SCAP: variants seen among roughly 807,000 people sequenced by gnomAD.
SCAP encodes sterol regulatory element-binding protein cleavage-activating protein.
SCAP carries 65 observed loss-of-function variants against 123.6 expected under a neutral mutation model. The ratio of observed to expected loss-of-function variants is 0.53; its 90% CI spans 0.43 to 0.65. The LOEUF (loss-of-function observed/expected upper bound fraction) is 0.65. SCAP is among the 30% of genes least tolerant of loss of function. The pLI is 0.00. For synonymous variants in SCAP, 740 were observed against 726.3 expected, an observed-to-expected ratio of 1.02 and a Z score of -0.30; for missense variants, 1,398 against 1,712.5, an observed-to-expected ratio of 0.82 and a Z score of 3.24.
At chr3:47,454,320 A>G (rs1707333115) in intron 1 of SCAP, among the ~76,000 whole-genome samples, 1 of 151,840 alleles carries the variant, frequency 6.6e-6, no homozygotes, top group African/African-American at 2.4e-5. Flanking sequence ...GTGAGCAGAG[A>G]TCACGCCACT....
chr3:47,465,373 G>A (rs1707785035), intron 1 of SCAP, among the ~76,000 whole-genome samples: 1 of 152,132 alleles, frequency 6.6e-6, no homozygotes. Flanking sequence ...GTTTCACCAT[G>A]TTGGCCAGGC....
At chr3:47,467,213 T>A (rs1707858942) in intron 1 of SCAP, among the ~76,000 whole-genome samples, 1 of 151,944 alleles carries the variant, frequency 6.6e-6, no homozygotes, top group Non-Finnish European at 1.5e-5. Context: ...GGGTTTAATA[T>A]CCAGAATTTG....
At chr3:47,438,746 G>A (rs1394200895) in intron 2 of SCAP, among the ~76,000 whole-genome samples, 2 of 151,714 alleles carry the variant, frequency 1.3e-5, no homozygotes, top group African/African-American at 4.8e-5. Context: ...CCCGGGAGGT[G>A]GAGGTTGCAG....
intron 2 of SCAP, among the ~76,000 whole-genome samples, chr3:47,440,395 A>C (rs1706746850): frequency 6.6e-6 from 1 of 152,142 alleles, no homozygotes; most frequent in South Asian, 2.1e-4. Flanking sequence ...CAAGTCCCAG[A>C]ATCTATGGAT....
rs929166342 is a variant in SCAP at position 47,465,447 on chromosome 3, C to G, written c.-99+10352G>C. 3.3e-5 allele frequency among the ~76,000 whole-genome samples: 5 copies of G among 152,254 alleles called. No homozygotes were observed. In the East Asian group the frequency reaches 9.6e-4, roughly 29 times the overall value. ...AGCTATCTACAAACGCAATCCATAT[C>G]AAAATGCAATGCAATCCCTATCAAA... is the stretch of plus-strand genomic sequence containing the variant. On this transcript the variant is annotated intron_variant, in intron 1 of 22. Transcript: ENST00000265565.
rs1288392558 is a variant in SCAP, at chr3:47,426,023, A to G, written c.884T>C (p.Leu295Ser). The G allele has an allele frequency of 6.2e-7, 1 of 1,614,156 alleles. No individual in the cohort carries two copies. The highest frequency in any genetic ancestry group is 8.5e-7 in the Non-Finnish European group (1 of 1,180,014). Reference protein sequence around the residue: ...LIPLVTTYIILFAYIYFSTRK... With the variant: ...LIPLVTTYIISFAYIYFSTRK... Reference sequence around the variant, plus strand: ...CGTGGAGAAGTAGATGTAGGCAAACAAGATGATGTAGGTGGTCACAAGGGG... The same window carrying G: ...CGTGGAGAAGTAGATGTAGGCAAACGAGATGATGTAGGTGGTCACAAGGGG... Residue 295 changes from leucine (L) to serine (S), a missense_variant, in exon 7 of 23, where the codon TTG (leucine) becomes TCG (serine). Around this residue, in one of 7 missense-constraint regions of SCAP, gnomAD observed 319 missense variants for 432.4 expected, o/e 0.74. Transcript: ENST00000265565.
Position 47,435,014 on chromosome 3 carries a change from A to T in SCAP, c.246T>A (p.Pro82=). The T allele has an allele frequency of 6.2e-7, 1 of 1,614,120 alleles. No homozygotes were observed. Residue 82 remains proline (P), a synonymous_variant, in exon 3 of 23, where the codon CCT becomes CCA. Transcript: ENST00000265565. ...DRKQGEPTEQ[P]EWYVGAPVAY... ...GAACATGACGAGTACCCACCCACTC[A>T]GGCTGCTCAGTAGGCTCTCCTTGTT...
intron 10 of SCAP, among the ~76,000 whole-genome samples, chr3:47,422,227 C>A (rs781014598): frequency 3.9e-5 from 6 of 152,274 alleles, no homozygotes; most frequent in Non-Finnish European, 8.8e-5. Flanking sequence ...GGTGCTCAAT[C>A]TGGGAACCCA....
intron 1 of SCAP, among the ~76,000 whole-genome samples, chr3:47,472,128 A>G (rs927066185): frequency 1.3e-4 from 19 of 151,428 alleles, no homozygotes; most frequent in Admixed American, 9.3e-4. Context: ...CCATCTCAAA[A>G]AAATAATAAT....
At chr3:47,449,136 C>T (rs774122815) in intron 1 of SCAP, among the ~76,000 whole-genome samples, 1 of 152,164 alleles carries the variant, frequency 6.6e-6, no homozygotes, top group Non-Finnish European at 1.5e-5. Flanking sequence ...ACTACTTGAG[C>T]AGTAATGTAC....
rs1708206702 is a variant in SCAP, at chr3:47,474,856, C to A, written c.-99+943G>T. ...CACTGAGGAACACCTAAAATGGATA[C>A]AGCACTAACTAGACACCCTCGACCC... is the stretch of plus-strand genomic sequence containing the variant. On this transcript the variant is annotated intron_variant, in intron 1 of 22. Coordinates refer to ENST00000265565, the MANE Select transcript of SCAP (RefSeq NM_012235.4). Among the ~76,000 whole-genome samples the A allele has an allele frequency of 1.3e-5, 2 of 152,110 alleles. 1 individual carries two copies. Among genetic ancestry groups the A allele is most frequent in the South Asian group, 4.1e-4 (2 of 4,830 alleles).
intron 1 of SCAP, among the ~76,000 whole-genome samples, chr3:47,447,387 C>T (rs564415888): frequency 9.2e-5 from 14 of 151,358 alleles, no homozygotes; most frequent in African/African-American, 3.4e-4. Flanking sequence ...ACTGTGACTC[C>T]GTCTCAAAAA....
chr3:47,427,394 CG>C (rs1358235046), intron 5 of SCAP, 52 bp downstream of exon 5: 1 of 1,578,392 alleles, frequency 6.3e-7, no homozygotes, highest in Admixed American at 1.7e-5. Context: ...ATCAAAAAGA[CG>C]GTGACCAATG....
chr3:47,413,804 G>GGCCCC lies in SCAP; in HGVS notation c.*45_*49dup, dbSNP rs150166851. Reference sequence around the variant, plus strand: ...CCCCCAAGTCCAGGTTCAGTGCATTGGCCCCCACACAGCACCCCAGCCTCC... The same window carrying GGCCCC: ...CCCCCAAGTCCAGGTTCAGTGCATTGGCCCCGCCCCCACACAGCACCCCAGCCTCC... On this transcript the variant is annotated 3_prime_UTR_variant, in exon 23 of 23. Transcript: ENST00000265565. The GGCCCC allele has an allele frequency of 0.011, 17,950 of 1,587,850 alleles. 1,712 individuals carry two copies. In the Admixed American group the frequency reaches 0.19, roughly 16 times the overall value.
Position 47,449,327 on chromosome 3 carries a change from G to A in SCAP, c.-98-6236C>T. Among the ~76,000 whole-genome samples the A allele has an allele frequency of 1.6e-5, 2 of 123,550 alleles. 1 individual carries two copies. Among genetic ancestry groups the A allele is most frequent in the Non-Finnish European group, 3.6e-5 (2 of 56,128 alleles). The allele number at this position is 123,550 out of a possible 152,430, so 81.1% of individuals were successfully genotyped here. On this transcript the variant is annotated intron_variant, in intron 1 of 22. Transcript: ENST00000265565. The stretch of plus-strand genomic sequence containing the variant: ...CCAAGGGCCCCTTTCCTGGTCTTCT[G>A]GCTAAAAGTCAGGGGTTTAATTTCC...
intron 20 of SCAP, 58 bp downstream of exon 20, chr3:47,414,769 T>C: frequency 1.2e-6 from 2 of 1,602,164 alleles, no homozygotes; most frequent in South Asian, 1.1e-5. Flanking sequence ...GACGAATGCA[T>C]CAGGCTCCCA....
chr3:47,438,541 C>T (rs972698744), intron 2 of SCAP, among the ~76,000 whole-genome samples: 5 of 152,108 alleles, frequency 3.3e-5, no homozygotes, highest in African/African-American at 7.2e-5. Context: ...AGGCTGGGCA[C>T]GGTGGCTCAC....
chr3:47,430,404 C>T (rs1331209077), intron 3 of SCAP, among the ~76,000 whole-genome samples: 1 of 152,186 alleles, frequency 6.6e-6, no homozygotes, highest in Non-Finnish European at 1.5e-5. Context: ...CCAAAACATG[C>T]TGGGTCAGCC....
intron 1 of SCAP, among the ~76,000 whole-genome samples, chr3:47,452,103 G>C (rs1707248539): frequency 6.6e-6 from 1 of 152,110 alleles, no homozygotes; most frequent in Admixed American, 6.6e-5. Context: ...TCCTTACAGA[G>C]CCTATTTCTT....
Sources: gnomAD v4.1 joint callset for allele counts (sites outside exome capture counted in the v4.1 genomes callset) on GRCh38, gnomAD v4.1.1 for gene constraint, gnomAD v4.1.1 regional missense constraint, MANE v1.5 for transcripts, NCBI Gene and HGNC (gene_info 2026-07-23, HGNC 2026-07-21) for gene names.